Variants in ADRA1A observed in about 807,000 individuals in gnomAD.
The protein encoded by ADRA1A is adrenoceptor alpha 1A.
In ADRA1A, 31 loss-of-function variants were observed where a neutral mutation model predicts 29.6. The ratio of observed to expected loss-of-function variants is 1.05; its 90% CI spans 0.79 to 1.41. The LOEUF is 1.41. Ranked by LOEUF, ADRA1A falls within the 40% of genes most tolerant of loss-of-function variation. The probability of loss-of-function intolerance (pLI) is 0.00; values close to 1 mark genes in which losing one functional copy is unlikely to be tolerated. For missense variants in ADRA1A, 619 were observed against 601.1 expected (o/e 1.03, Z -0.31); for synonymous variants, 311 against 254.3 (o/e 1.22, Z -2.12).
intron 2 of ADRA1A, among the ~76,000 whole-genome samples, chr8:26,828,628 A>AT (rs1810759404): frequency 6.6e-6 from 1 of 152,036 alleles, no homozygotes. Flanking sequence ...TGTTAATTTT[A>AT]TTTTTCTGTG....
intron 2 of ADRA1A, among the ~76,000 whole-genome samples, chr8:26,857,125 C>T (rs145405506): frequency 6.6e-6 from 1 of 152,258 alleles, no homozygotes; most frequent in East Asian, 1.9e-4. Context: ...GTGAGCCTAG[C>T]TCTTCAAAGG....
At position 26,825,353 on chromosome 8, in the gene ADRA1A, C is replaced by T. The variant is rs1458570017; in HGVS notation, c.883+38734G>A. Among the ~76,000 whole-genome samples, 1 of 150,996 alleles carries T rather than the reference C, an allele frequency of 6.6e-6. No individual in the cohort carries two copies. The highest frequency in any genetic ancestry group is 6.6e-5 in the Admixed American group (1 of 15,210). On this transcript the variant is annotated intron_variant, in intron 2 of 2. Transcript: ENST00000380573. The surrounding 1 kb of genome is among the most constrained non-coding windows in gnomAD (Gnocchi z 5.7). The stretch of plus-strand genomic sequence containing the variant: ...CCTTTAACCATTCTTCCATGAAACA[C>T]TCAAGTGGGAGAGTTTGGTTGTTTG...
At chr8:26,822,097 A>T (rs1174875639) in intron 2 of ADRA1A, among the ~76,000 whole-genome samples, 1 of 152,178 alleles carries the variant, frequency 6.6e-6, no homozygotes, top group African/African-American at 2.4e-5. Context: ...ATCTCTCTAG[A>T]ATATGTGGCC....
intron 2 of ADRA1A, among the ~76,000 whole-genome samples, chr8:26,776,046 G>A (rs982191745): frequency 1.3e-5 from 2 of 152,154 alleles, no homozygotes; most frequent in Admixed American, 6.5e-5. Flanking sequence ...AAGGCTTGGC[G>A]ACTAGAGTCA....
In ADRA1A at chr8:26,865,863, C is replaced by T. The variant is rs1227707530; in HGVS notation, c.-686-208G>A. Among the ~76,000 whole-genome samples, 1 of 151,918 alleles carries T rather than the reference C, an allele frequency of 6.6e-6. No individual in the cohort carries two copies. The highest frequency in any genetic ancestry group is 1.5e-5 in the Non-Finnish European group (1 of 67,982). On this transcript the variant is annotated intron_variant, in intron 1 of 2. Coordinates refer to ENST00000380573, the MANE Select transcript of ADRA1A (RefSeq NM_000680.4). This position sits in a 1 kb window ranked among gnomAD's most constrained non-coding sequence, Gnocchi z 7.6. The stretch of plus-strand genomic sequence containing the variant: ...ACCTGCCTAGCGCACTCTACTGAGT[C>T]ACCTCTGCCCGAGTTCAGGATCCGA...
At chr8:26,851,346 C>G (rs1563307764) in intron 2 of ADRA1A, among the ~76,000 whole-genome samples, 1 of 152,074 alleles carries the variant, frequency 6.6e-6, no homozygotes, top group Non-Finnish European at 1.5e-5. Flanking sequence ...AGGAGACAAG[C>G]TTTCCAAACC....
Position 26,823,520 on chromosome 8 carries a change from C to A in ADRA1A, c.883+40567G>T, listed in dbSNP as rs1810327251. On this transcript the variant is annotated intron_variant, in intron 2 of 2. Transcript: ENST00000380573. This position sits in a 1 kb window ranked among gnomAD's most constrained non-coding sequence, Gnocchi z 4.2. ...CATAAAAACTGAATTCTATGAAGAA[C>A]AAAACCTTTCCTCCATCTTGGAAGT... Among the ~76,000 whole-genome samples, 1 of 152,202 alleles carries A rather than the reference C, an allele frequency of 6.6e-6. No homozygotes were observed. Among genetic ancestry groups the A allele is most frequent in the Non-Finnish European group, 1.5e-5 (1 of 68,042 alleles).
At chr8:26,777,498 C>CAACA (rs1806634898) in intron 2 of ADRA1A, among the ~76,000 whole-genome samples, 1 of 152,148 alleles carries the variant, frequency 6.6e-6, no homozygotes, top group African/African-American at 2.4e-5. Context: ...TCTAGCTTAC[C>CAACA]AACAGAGCAA....
intron 2 of ADRA1A, among the ~76,000 whole-genome samples, chr8:26,818,436 T>G (rs1045813430): frequency 6.6e-6 from 1 of 152,202 alleles, no homozygotes; most frequent in Non-Finnish European, 1.5e-5. Flanking sequence ...AAATCATTTT[T>G]AAAAAACTGC....
downstream of ADRA1A, chr8:26,768,737 C>A: frequency 3.5e-6 from 1 of 283,174 alleles, no homozygotes; most frequent in African/African-American, 2.3e-5. Flanking sequence ...GCAAGTATTT[C>A]AAAATTTGAA....
downstream of ADRA1A, among the ~76,000 whole-genome samples, chr8:26,754,363 C>T (rs1805055980): frequency 6.7e-6 from 1 of 149,920 alleles, no homozygotes; most frequent in South Asian, 2.1e-4. Flanking sequence ...TTCAGATTAA[C>T]TTTTTTTTTT....
In ADRA1A at chr8:26,848,168, G is replaced by A. The variant is rs746415935; in HGVS notation, c.883+15919C>T. Among the ~76,000 whole-genome samples the A allele has an allele frequency of 5.9e-5, 9 of 152,178 alleles. No individual in the cohort carries two copies. Among genetic ancestry groups the A allele is most frequent in the East Asian group, 1.9e-4 (1 of 5,192 alleles). ...CTGCAAGATGTCACTAATCCCTTGC[G>A]TGCCTCAGTTTCCTTATCTCTACAT... On this transcript the variant is annotated intron_variant, in intron 2 of 2. Transcript: ENST00000380573. The surrounding 1 kb of genome is among the most constrained non-coding windows in gnomAD (Gnocchi z 4.3).
At chr8:26,780,220 A>G (rs1206769505) in intron 2 of ADRA1A, among the ~76,000 whole-genome samples, 1 of 152,110 alleles carries the variant, frequency 6.6e-6, no homozygotes, top group Non-Finnish European at 1.5e-5. Flanking sequence ...AGGCACTTCC[A>G]TAGATACTGG....
At chr8:26,851,853 A>G (rs1812660115) in intron 2 of ADRA1A, among the ~76,000 whole-genome samples, 1 of 152,156 alleles carries the variant, frequency 6.6e-6, no homozygotes, top group African/African-American at 2.4e-5. Context: ...AGTAAAGTAT[A>G]TAATAGATAA....
rs558455 is a variant in ADRA1A, at chr8:26,848,064, A to G, written c.883+16023T>C. Among the ~76,000 whole-genome samples the G allele has an allele frequency of 0.58, 88,564 of 152,110 alleles. 26,375 individuals carry two copies. Among genetic ancestry groups the G allele is most frequent in the African/African-American group, 0.67 (27,629 of 41,500 alleles). Reference sequence around the variant, plus strand: ...GACACCAGAGTGCAGAGCAAAGGGCAGGACCACGTGTGATTCCAGGGCTTT... The same window carrying G: ...GACACCAGAGTGCAGAGCAAAGGGCGGGACCACGTGTGATTCCAGGGCTTT... On this transcript the variant is annotated intron_variant, in intron 2 of 2. Transcript: ENST00000380573. This position sits in a 1 kb window ranked among gnomAD's most constrained non-coding sequence, Gnocchi z 4.3.
rs554227101 is a variant in ADRA1A at position 26,750,293 on chromosome 8, C to T, written c.1270-1545G>A. ...TTCCGCTCACTGCAGCCTCTGCTTC[C>T]TGGGTTCAAGCCATTCCCCTGCCTC... is the stretch of plus-strand genomic sequence containing the variant. On this transcript the variant is annotated intron_variant, in intron 2 of 2. Transcript: ENST00000380586. Among the ~76,000 whole-genome samples, 3 of 152,236 alleles carry T rather than the reference C, an allele frequency of 2.0e-5. No homozygotes were observed. The South Asian group carries it at 6.2e-4, about 32-fold the overall frequency.
At chr8:26,757,815 C>T (rs1805273438) in intron 2 of ADRA1A, among the ~76,000 whole-genome samples, 1 of 151,858 alleles carries the variant, frequency 6.6e-6, no homozygotes, top group Admixed American at 6.6e-5. Flanking sequence ...TTCCAGTGGT[C>T]AAAACTACTT....
rs574313588 is a variant in ADRA1A at position 26,805,264 on chromosome 8, TCA to T, written c.884-34600_884-34599del. Among the ~76,000 whole-genome samples the T allele has an allele frequency of 3.3e-5, 5 of 152,342 alleles. No individual in the cohort carries two copies. The South Asian group carries it at 1.0e-3, about 32-fold the overall frequency. On this transcript the variant is annotated intron_variant, in intron 2 of 2. Transcript: ENST00000380573. The surrounding 1 kb of genome is among the most constrained non-coding windows in gnomAD (Gnocchi z 4.8). ...CCACTCTCAATTTACACCTATTGCCTCAGTATGGTTATTAATTGTGCTTTCTT... is the reference window on the plus strand; with the variant it reads ...CCACTCTCAATTTACACCTATTGCCTGTATGGTTATTAATTGTGCTTTCTT...
At chr8:26,754,560 TTG>T (rs1486890479), downstream of ADRA1A, among the ~76,000 whole-genome samples, 1 of 152,044 alleles carries the variant, frequency 6.6e-6, no homozygotes, top group African/African-American at 2.4e-5. Context: ...CAGCCCACAT[TTG>T]CTTCTCTGGC....
Sources: allele counts gnomAD v4.1 joint callset (sites outside exome capture counted in the v4.1 genomes callset), GRCh38; gene constraint gnomAD v4.1.1; non-coding constraint Gnocchi (gnomAD v3.1); transcripts MANE v1.5; gene names NCBI Gene and HGNC (gene_info 2026-07-23, HGNC 2026-07-21).